The following MTUS1 variants were observed in gnomAD, a reference collection of about 807,000 sequenced individuals.
MTUS1 encodes microtubule associated scaffold protein 1.
MTUS1 carries 109 observed loss-of-function variants against 120.8 expected under a neutral mutation model. The ratio of observed to expected loss-of-function variants is 0.90; its 90% CI spans 0.77 to 1.06. The LOEUF (loss-of-function observed/expected upper bound fraction) is 1.06. Ranked by LOEUF, MTUS1 falls within the 50% of genes least tolerant of loss-of-function variation. The pLI, the probability that MTUS1 is intolerant of heterozygous loss-of-function variation, is 0.00. For missense variants in MTUS1, 2,210 were observed against 1,486.3 expected, an observed-to-expected ratio of 1.49 and a Z score of -8.01; for synonymous variants, 737 against 550.5, an observed-to-expected ratio of 1.34 and a Z score of -4.74.
In MTUS1 at chr8:17,755,741, C is replaced by A; in HGVS notation, c.67G>T (p.Asp23Tyr). The A allele has an allele frequency of 6.2e-7, 1 of 1,614,080 alleles. No homozygotes were observed. The highest frequency in any genetic ancestry group is 1.7e-5 in the Admixed American group (1 of 60,026). The change falls in exon 2 of 15, where the codon GAT becomes TAT. Residue 23 changes from aspartate to tyrosine, a missense_variant. By Grantham distance (160) the Asp-to-Tyr change is radical. Coordinates refer to ENST00000693296, the MANE Select transcript of MTUS1 (RefSeq NM_001363059.2). ...GGGTTGTATGCATGTGTATTTCCAT[C>A]TTTATCACTGGTAAAGAAGGTTTGC... ...ELQTFFTSDK[D>Y]GNTHAYNPKS...
At chr8:17,795,965 T>C (rs2052191482) in intron 1 of MTUS1, among the ~76,000 whole-genome samples, 1 of 151,260 alleles carries the variant, frequency 6.6e-6, no homozygotes, top group Non-Finnish European at 1.5e-5. Flanking sequence ...TGTTTTTCTT[T>C]TGGAGACAAA....
rs1807439461 is a variant in MTUS1, at chr8:17,653,281, T to G, written c.3289A>C (p.Lys1097Gln). ...TCACTCTTCAGATCATTGATTTGCTTCTAAAACACAATGAAATGTGGAACT... is the reference window on the plus strand; with the variant it reads ...TCACTCTTCAGATCATTGATTTGCTGCTAAAACACAATGAAATGTGGAACT... The part of the protein sequence containing the change: ...LLSEKQESLE[K>Q]QINDLKSEND... The change falls in exon 12 of 15, where the codon AAG (lysine) becomes CAG (glutamine). Residue 1097 changes from lysine (K) to glutamine (Q), a missense_variant and splice_region_variant. Physicochemically the swap from Lys to Gln is moderately conservative, Grantham distance 53. Transcript: ENST00000693296. 6.5e-7 allele frequency: 1 copy of G among 1,544,796 alleles called. No individual in the cohort carries two copies. Among genetic ancestry groups the G allele is most frequent in the Non-Finnish European group, 8.7e-7 (1 of 1,146,238 alleles).
intron 1 of MTUS1, among the ~76,000 whole-genome samples, chr8:17,780,574 T>C (rs1396767648): frequency 2.0e-5 from 3 of 152,098 alleles, no homozygotes; most frequent in Non-Finnish European, 4.4e-5. Context: ...CCTCTTTCCC[T>C]CTCTCCCCAG....
chr8:17,778,842 C>G (rs1386941352), intron 1 of MTUS1, among the ~76,000 whole-genome samples: 1 of 152,052 alleles, frequency 6.6e-6, no homozygotes, highest in Non-Finnish European at 1.5e-5. Flanking sequence ...AAAGAAGACA[C>G]TGAGCTCAGA....
chr8:17,792,262 A>G (rs1407075778), intron 1 of MTUS1, among the ~76,000 whole-genome samples: 3 of 152,328 alleles, frequency 2.0e-5, no homozygotes, highest in East Asian at 1.9e-4. Flanking sequence ...AGCAGTCCCT[A>G]GCACTGAAGG....
At chr8:17,782,992 C>T (rs1327998557) in intron 1 of MTUS1, among the ~76,000 whole-genome samples, 1 of 152,136 alleles carries the variant, frequency 6.6e-6, no homozygotes, top group East Asian at 1.9e-4. Flanking sequence ...GCAGGAGAAT[C>T]GCTTAAACCT....
At position 17,721,649 on chromosome 8, in the gene MTUS1, A is replaced by G. The variant is rs572316262; in HGVS notation, c.2449+2023T>C. On this transcript the variant is annotated intron_variant, in intron 4 of 14. Transcript: ENST00000693296. ...AACAGAAGTCAAGAGATCCTAAATC[A>G]ATTTATTGAATAAAAATTTAAGCAT... is the stretch of plus-strand genomic sequence containing the variant. 181 of 1,499,560 alleles carry G rather than the reference A, an allele frequency of 1.2e-4. 1 individual carries two copies. The Middle Eastern group carries it at 5.0e-3, about 41-fold the overall frequency. 92.9% of individuals were successfully genotyped at this position (1,499,560 alleles called of 1,614,324 possible).
intron 3 of MTUS1, among the ~76,000 whole-genome samples, chr8:17,741,731 T>G (rs1215888507): frequency 2.0e-5 from 3 of 152,212 alleles, no homozygotes; most frequent in African/African-American, 7.2e-5. Flanking sequence ...CGCTTAGATT[T>G]TCTGGGATTC....
chr8:17,800,392 C>A (rs754190019), intron 1 of MTUS1, among the ~76,000 whole-genome samples: 3 of 152,194 alleles, frequency 2.0e-5, no homozygotes, highest in Non-Finnish European at 4.4e-5. Flanking sequence ...AGAACACTGA[C>A]TACTTCAAAC....
At position 17,674,601 on chromosome 8, in the gene MTUS1, G is replaced by C. The variant is rs374941947; in HGVS notation, c.2905+585C>G. On this transcript the variant is annotated intron_variant, in intron 8 of 14. Coordinates refer to ENST00000693296, the MANE Select transcript of MTUS1 (RefSeq NM_001363059.2). ...TGGAAACTGCAGGGCTGGGTGGTGGGTGTTGAGACATGTAAACTGCAGGGC... is the reference window on the plus strand; with the variant it reads ...TGGAAACTGCAGGGCTGGGTGGTGGCTGTTGAGACATGTAAACTGCAGGGC... 4.8e-5 allele frequency: 47 copies of C among 986,020 alleles called. 2 individuals are homozygous for C. In the East Asian group the frequency reaches 1.7e-3, roughly 36 times the overall value. The allele number at this position is 986,020 out of a possible 1,614,324, so 61.1% of individuals were successfully genotyped here.
intron 1 of MTUS1, among the ~76,000 whole-genome samples, chr8:17,768,464 T>C (rs1000019362): frequency 1.3e-5 from 2 of 152,126 alleles, no homozygotes; most frequent in Non-Finnish European, 2.9e-5. Flanking sequence ...CACACACATT[T>C]AAGACTTTTT....
In MTUS1 at chr8:17,723,684, A is replaced by G; in HGVS notation, c.2437T>C (p.Tyr813His). 6.2e-7 allele frequency: 1 copy of G among 1,610,444 alleles called. No homozygotes were observed. Among genetic ancestry groups the G allele is most frequent in the Non-Finnish European group, 8.5e-7 (1 of 1,177,374 alleles). Residue 813 changes from tyrosine to histidine, a missense_variant, in exon 4 of 15, where the codon TAC becomes CAC. Tyr to His is a moderately conservative substitution (Grantham distance 83). Coordinates refer to ENST00000693296, the MANE Select transcript of MTUS1 (RefSeq NM_001363059.2). Reference protein sequence around the residue: ...IASTHSELSTYSNNSGNAAVI... With the variant: ...IASTHSELSTHSNNSGNAAVI... ...AAAGTCGACTTACAATTGTTGCTGTAAGTGCTCAGCTCACTGTGGGTGCTG... is the reference window on the plus strand; with the variant it reads ...AAAGTCGACTTACAATTGTTGCTGTGAGTGCTCAGCTCACTGTGGGTGCTG...
chr8:17,746,980 G>T (rs780512862), intron 2 of MTUS1, among the ~76,000 whole-genome samples: 78 of 152,130 alleles, frequency 5.1e-4, no homozygotes, highest in Non-Finnish European at 7.8e-4. Flanking sequence ...TCCATCTGCT[G>T]TCATTTCTCA....
At position 17,743,808 on chromosome 8, in the gene MTUS1, A is replaced by G; in HGVS notation, c.2092-9T>C. The G allele has an allele frequency of 1.2e-6, 2 of 1,612,624 alleles. No individual in the cohort carries two copies. Among genetic ancestry groups the G allele is most frequent in the Non-Finnish European group, 1.7e-6 (2 of 1,179,280 alleles). On this transcript the variant is annotated splice_polypyrimidine_tract_variant and intron_variant, in intron 2 of 14. Transcript: ENST00000693296. ...GTTTTTGAAGCAGAGCCCTGTGAAA[A>G]TAACAGTTAAGACTGTAAACCAAAA...
intron 3 of MTUS1, among the ~76,000 whole-genome samples, chr8:17,724,488 A>ATT (rs201998569): frequency 1.3e-5 from 2 of 149,418 alleles, no homozygotes; most frequent in East Asian, 2.0e-4. Context: ...TACTATTAAG[A>ATT]TTTTTTTTTT....
chr8:17,652,849 G>GA (rs893099326), intron 12 of MTUS1, among the ~76,000 whole-genome samples: 3 of 148,970 alleles, frequency 2.0e-5, no homozygotes, highest in Admixed American at 1.3e-4. Context: ...AAAAAAAAAA[G>GA]AAAGAGTGAA....
At chr8:17,740,540 G>C (rs146989223) in intron 3 of MTUS1, among the ~76,000 whole-genome samples, 1 of 152,272 alleles carries the variant, frequency 6.6e-6, no homozygotes, top group African/African-American at 2.4e-5. Flanking sequence ...TGATTTTTCT[G>C]TTCTACTTTT....
chr8:17,651,122 C>T (rs1806892416), intron 12 of MTUS1, among the ~76,000 whole-genome samples: 1 of 151,300 alleles, frequency 6.6e-6, no homozygotes, highest in South Asian at 2.1e-4. Flanking sequence ...AGGGCAGGGA[C>T]TAATACATCT....
At chr8:17,704,364 G>T (rs1200022589) in intron 6 of MTUS1, among the ~76,000 whole-genome samples, 1 of 152,222 alleles carries the variant, frequency 6.6e-6, no homozygotes, top group Non-Finnish European at 1.5e-5. Context: ...ATGACATGAA[G>T]TTTTGCCCCA....
Sources: allele counts gnomAD v4.1 joint callset (sites outside exome capture counted in the v4.1 genomes callset), GRCh38; gene constraint gnomAD v4.1.1; transcripts MANE v1.5; gene names NCBI Gene and HGNC (gene_info 2026-07-23, HGNC 2026-07-21).